The following NSD2 variants were observed in gnomAD, a reference collection of about 807,000 sequenced individuals.
The protein encoded by NSD2 is histone-lysine N-methyltransferase NSD2.
Under a neutral mutation model 139.0 loss-of-function variants are expected in NSD2, and 12 were observed. That is an observed-to-expected ratio of 0.09 (90% confidence interval 0.06 to 0.14). The LOEUF is 0.14. Ranked by LOEUF, NSD2 falls within the 10% of genes least tolerant of loss-of-function variation. The probability of loss-of-function intolerance (pLI) is 1.00; values close to 1 mark genes in which losing one functional copy is unlikely to be tolerated. For missense variants in NSD2, 1,155 were observed against 1,745.0 expected, an observed-to-expected ratio of 0.66 and a Z score of 6.02; for synonymous variants, 669 against 648.7, an observed-to-expected ratio of 1.03 and a Z score of -0.48.
At chr4:1,959,423 C>T (rs768709494) in intron 16 of NSD2, 48 bp from the exon 17 acceptor site, 7 of 1,586,674 alleles carry the variant, frequency 4.4e-6, no homozygotes, top group Admixed American at 1.7e-5. Context: ...CAAGGGTATT[C>T]GGAAGGCTCT....
In NSD2 at chr4:1,979,879, T is replaced by G. The variant is rs1366753532; in HGVS notation, c.*970T>G. Reference sequence around the variant, plus strand: ...GACTTTGCAGGGCGTGAGACCGCAGTCTGCTTAGAGCACAGGAAGTGACAA... The same window carrying G: ...GACTTTGCAGGGCGTGAGACCGCAGGCTGCTTAGAGCACAGGAAGTGACAA... On this transcript the variant is annotated 3_prime_UTR_variant, in exon 22 of 22. Transcript: ENST00000508803. The G allele has an allele frequency of 8.6e-6, 2 of 232,586 alleles. No homozygotes were observed. The highest frequency in any genetic ancestry group is 4.4e-5 in the African/African-American group (2 of 45,310). 14.4% of individuals were successfully genotyped at this position (232,586 alleles called of 1,614,324 possible).
chr4:1,893,020 A>G (rs575867862), intron 1 of NSD2: 1 of 152,256 alleles, frequency 6.6e-6, no homozygotes, highest in South Asian at 2.1e-4. Context: ...AGGAATTCTT[A>G]GGTTATTAGT....
chr4:1,873,487 T>A (rs972645268), intron 1 of NSD2, among the ~76,000 whole-genome samples: 17 of 152,202 alleles, frequency 1.1e-4, no homozygotes, highest in African/African-American at 4.1e-4. Context: ...ATCCAGGGCT[T>A]TCAAACCAGT....
intron 17 of NSD2, among the ~76,000 whole-genome samples, chr4:1,960,414 C>T (rs1725249296): frequency 6.6e-6 from 1 of 152,260 alleles, no homozygotes; most frequent in Non-Finnish European, 1.5e-5. Flanking sequence ...AGGACCAAGT[C>T]GTTGGTAGAC....
chr4:1,917,120 A>C, intron 4 of NSD2, 83 bp downstream of exon 4: 1 of 1,298,640 alleles, frequency 7.7e-7, no homozygotes, highest in South Asian at 1.7e-5. Flanking sequence ...TTTTGAACTT[A>C]TACTTGCTCG....
At position 1,885,507 on chromosome 4, in the gene NSD2, G is replaced by A. The variant is rs115482265; in HGVS notation, c.-30+13965G>A. Among the ~76,000 whole-genome samples, 693 of 152,340 alleles carry A rather than the reference G, an allele frequency of 4.5e-3. 6 individuals carry two copies. The highest frequency in any genetic ancestry group is 0.016 in the African/African-American group (672 of 41,572). On this transcript the variant is annotated intron_variant, in intron 1 of 21. Coordinates refer to ENST00000508803, the MANE Select transcript of NSD2 (RefSeq NM_001042424.3). ...TGATAAAACTTCTGAGGTAAAGGAA[G>A]TCTGTCTCAGTGGCCCCTGTTGACA...
Position 1,978,917 on chromosome 4 carries a change from C to A in NSD2, c.*8C>A. The A allele has an allele frequency of 1.3e-6, 2 of 1,496,158 alleles. No homozygotes were observed. The highest frequency in any genetic ancestry group is 1.8e-6 in the Non-Finnish European group (2 of 1,120,412). The allele number at this position is 1,496,158 out of a possible 1,614,324, so 92.7% of individuals were successfully genotyped here. A position where few individuals can be genotyped will look rare whatever the true frequency, so the allele number is the denominator to read the frequency against. On this transcript the variant is annotated 3_prime_UTR_variant, in exon 22 of 22. Coordinates refer to ENST00000508803, the MANE Select transcript of NSD2 (RefSeq NM_001042424.3). Reference sequence around the variant, plus strand: ...GTCACAGAGGGCAAATAGCGCCAGGCGGCCGCTTGGCCGGATCCAGGGGCG... The same window carrying A: ...GTCACAGAGGGCAAATAGCGCCAGGAGGCCGCTTGGCCGGATCCAGGGGCG...
At chr4:1,938,412 C>CTTTGTTT in intron 7 of NSD2, 39 bp from the exon 8 acceptor site, 2 of 635,570 alleles carry the variant, frequency 3.1e-6, no homozygotes, top group Non-Finnish European at 4.0e-6. Flanking sequence ...TTTTTTTTTT[C>CTTTGTTT]TTTCTTTTTT....
intron 6 of NSD2, among the ~76,000 whole-genome samples, chr4:1,933,892 T>C (rs746765467): frequency 3.0e-4 from 46 of 152,214 alleles, no homozygotes; most frequent in Non-Finnish European, 5.3e-4. Flanking sequence ...GATTAACTGC[T>C]ATTCCTGGGA....
At chr4:1,961,795 C>G (rs1012628510) in intron 18 of NSD2, among the ~76,000 whole-genome samples, 1 of 152,172 alleles carries the variant, frequency 6.6e-6, no homozygotes, top group Non-Finnish European at 1.5e-5. Context: ...TGTGGGGGTG[C>G]GTGTCATCCC....
At chr4:1,928,957 G>A (rs909555090) in intron 5 of NSD2, among the ~76,000 whole-genome samples, 2 of 152,116 alleles carry the variant, frequency 1.3e-5, no homozygotes, top group Non-Finnish European at 2.9e-5. Context: ...GAGGGGTGTG[G>A]CAGGAGTAGG....
At position 1,900,695 on chromosome 4, in the gene NSD2, G is replaced by C. The variant is rs769348800; in HGVS notation, c.41G>C (p.Ser14Thr). 9.9e-6 allele frequency: 16 copies of C among 1,611,560 alleles called. No homozygotes were observed. Among genetic ancestry groups the C allele is most frequent in the Non-Finnish European group, 1.4e-5 (16 of 1,178,678 alleles). The change falls in exon 2 of 22, where the codon AGT becomes ACT. Residue 14 changes from serine to threonine, a missense_variant. Transcript: ENST00000508803. ...AAGCAGAGTCCCCTTTCTGTTCAGA[G>C]TGTTGTAAAGTGCATAAAGATGAAG... ...SIKQSPLSVQSVVKCIKMKQA... is the reference protein window; with the variant it reads ...SIKQSPLSVQTVVKCIKMKQA...
chr4:1,920,746 A>T (rs2108813368), intron 5 of NSD2, among the ~76,000 whole-genome samples: 1 of 152,146 alleles, frequency 6.6e-6, no homozygotes. Context: ...ATAAAAAGAA[A>T]AGAAAGGCCG....
At chr4:1,904,493 CT>C in intron 3 of NSD2, 115 bp downstream of exon 3, 1 of 1,178,668 alleles carries the variant, frequency 8.5e-7, no homozygotes, top group South Asian at 1.6e-5. Context: ...ATTTTTGCAG[CT>C]TTACCTAAAG....
At position 1,972,405 on chromosome 4, in the gene NSD2, C is replaced by T. The variant is rs114320665; in HGVS notation, c.3373-2458C>T. Among the ~76,000 whole-genome samples the T allele has an allele frequency of 5.4e-3, 826 of 152,338 alleles. 4 individuals are homozygous for T. The highest frequency in any genetic ancestry group is 0.019 in the African/African-American group (795 of 41,566). On this transcript the variant is annotated intron_variant, in intron 18 of 21. Coordinates refer to ENST00000508803, the MANE Select transcript of NSD2 (RefSeq NM_001042424.3). This position sits in a 1 kb window ranked among gnomAD's most constrained non-coding sequence, Gnocchi z 4.0. ...AAACGTTTAAATATACCTGGACAGG[C>T]AATTTCAAAGTCCATGTAGAAGGAA...
intron 9 of NSD2, chr4:1,947,587 C>G: frequency 9.5e-7 from 1 of 1,053,240 alleles, no homozygotes; most frequent in Non-Finnish European, 1.1e-6. Context: ...TCCACTTTAA[C>G]ATTTTACTGT....
chr4:1,910,643 C>A (rs1238426619), intron 3 of NSD2, among the ~76,000 whole-genome samples: 1 of 152,132 alleles, frequency 6.6e-6, no homozygotes, highest in Non-Finnish European at 1.5e-5. Flanking sequence ...ATGCTTCTGG[C>A]ATTTTCTAAA....
intron 1 of NSD2, among the ~76,000 whole-genome samples, chr4:1,874,211 T>G (rs1018204082): frequency 9.8e-5 from 15 of 152,352 alleles, no homozygotes; most frequent in African/African-American, 3.4e-4. Context: ...CATACAACTT[T>G]GGATAAGCAT....
chr4:1,978,313 A>G (rs1727333149), intron 21 of NSD2, among the ~76,000 whole-genome samples: 1 of 152,190 alleles, frequency 6.6e-6, no homozygotes, highest in Non-Finnish European at 1.5e-5. Flanking sequence ...GGCAGGTCAC[A>G]TGGAAATCAG....
Sources: gnomAD v4.1 joint callset for allele counts (sites outside exome capture counted in the v4.1 genomes callset) on GRCh38, gnomAD v4.1.1 for gene constraint, Gnocchi (gnomAD v3.1) non-coding constraint, MANE v1.5 for transcripts, NCBI Gene and HGNC (gene_info 2026-07-23, HGNC 2026-07-21) for gene names.